Variants in CDH12 observed in about 807,000 individuals in gnomAD.
CDH12 encodes cadherin 12, also known as cadherin-12.
In CDH12, 41 loss-of-function variants were observed where a neutral mutation model predicts 74.1. The ratio of observed to expected loss-of-function variants is 0.55; its 90% CI spans 0.43 to 0.72. CDH12 has a LOEUF of 0.72. Ranked by LOEUF, CDH12 falls within the 30% of genes least tolerant of loss-of-function variation. The pLI is 0.00. For synonymous variants in CDH12, 399 were observed against 355.0 expected, an observed-to-expected ratio of 1.12 and a Z score of -1.39; for missense variants, 945 against 977.2, an observed-to-expected ratio of 0.97 and a Z score of 0.44.
chr5:22,394,931 A>G (rs1742396801), intron 3 of CDH12, among the ~76,000 whole-genome samples: 1 of 152,088 alleles, frequency 6.6e-6, no homozygotes. Context: ...GTATGCCGGG[A>G]TAGGTTGGCT....
chr5:22,816,792 CTG>C (rs1749417333), intron 1 of CDH12, among the ~76,000 whole-genome samples: 1 of 152,104 alleles, frequency 6.6e-6, no homozygotes, highest in Admixed American at 6.6e-5. Context: ...AGGTAAATTT[CTG>C]TGTGTCTATC....
At chr5:22,672,363 A>G (rs560022366) in intron 1 of CDH12, among the ~76,000 whole-genome samples, 7 of 151,844 alleles carry the variant, frequency 4.6e-5, no homozygotes, top group Admixed American at 3.3e-4. Context: ...TGGAAAGTTA[A>G]TTGCTGTTGT....
chr5:22,045,037 A>C (rs953104838), intron 5 of CDH12, among the ~76,000 whole-genome samples: 1 of 152,228 alleles, frequency 6.6e-6, no homozygotes, highest in African/African-American at 2.4e-5. Flanking sequence ...TTCACCTGAC[A>C]AAGGGTTAAT....
intron 1 of CDH12, among the ~76,000 whole-genome samples, chr5:22,635,865 G>A (rs908039139): frequency 6.6e-6 from 1 of 152,016 alleles, no homozygotes; most frequent in Non-Finnish European, 1.5e-5. Flanking sequence ...AGTCAGAGGA[G>A]ATTGTGCCCA....
intron 1 of CDH12, among the ~76,000 whole-genome samples, chr5:22,677,081 G>C (rs897405919): frequency 6.6e-5 from 10 of 152,148 alleles, no homozygotes; most frequent in Admixed American, 6.6e-5. Context: ...TGGCAGCTGA[G>C]TGCTGCTGGC....
chr5:22,133,976 A>T (rs1746320053), intron 4 of CDH12, among the ~76,000 whole-genome samples: 1 of 152,120 alleles, frequency 6.6e-6, no homozygotes, highest in Non-Finnish European at 1.5e-5. Flanking sequence ...TCAAGTAGCC[A>T]TATTAGCAAT....
intron 12 of CDH12, among the ~76,000 whole-genome samples, chr5:21,761,117 CATAA>C (rs1744693714): frequency 6.6e-6 from 1 of 152,142 alleles, no homozygotes; most frequent in East Asian, 1.9e-4. Flanking sequence ...GCTCTATTTT[CATAA>C]ATAAATAAAA....
Position 22,091,395 on chromosome 5 carries a change from T to C in CDH12, c.-186-12533A>G, listed in dbSNP as rs542236314. 1.5e-4 allele frequency among the ~76,000 whole-genome samples: 22 copies of C among 150,958 alleles called. No homozygotes were observed. The South Asian group carries it at 4.6e-3, about 32-fold the overall frequency. On this transcript the variant is annotated intron_variant, in intron 4 of 14. Coordinates refer to ENST00000382254, the MANE Select transcript of CDH12 (RefSeq NM_004061.5). ...AACTGTATTTCTATACACTGAAATG[T>C]CATTAAAATTGAATGCCATTAAAAA...
chr5:22,292,341 GTTTT>G (rs60010478), intron 3 of CDH12, among the ~76,000 whole-genome samples: 22 of 105,396 alleles, frequency 2.1e-4, no homozygotes, highest in Non-Finnish European at 3.6e-4. Flanking sequence ...TTTGGTTTTT[GTTTT>G]TTTTTTTTTT....
intron 3 of CDH12, among the ~76,000 whole-genome samples, chr5:22,216,952 T>C (rs2150366553): frequency 6.6e-6 from 1 of 151,998 alleles, no homozygotes; most frequent in South Asian, 2.1e-4. Flanking sequence ...TGAAAATGCA[T>C]CTATTTGCCT....
At chr5:22,732,648 A>G (rs1469513834) in intron 1 of CDH12, among the ~76,000 whole-genome samples, 1 of 151,840 alleles carries the variant, frequency 6.6e-6, no homozygotes, top group Non-Finnish European at 1.5e-5. Flanking sequence ...ATGAATACAG[A>G]TACACACAAG....
At chr5:22,009,483 T>C (rs149664951) in intron 5 of CDH12, among the ~76,000 whole-genome samples, 2,373 of 152,216 alleles carry the variant, frequency 0.016, 61 homozygotes, top group African/African-American at 0.054. Context: ...CTTGAACATA[T>C]AATTATAACT....
chr5:22,324,923 T>C (rs1053719220), intron 3 of CDH12, among the ~76,000 whole-genome samples: 11 of 152,180 alleles, frequency 7.2e-5, no homozygotes, highest in African/African-American at 1.9e-4. Flanking sequence ...GCTAACTTAA[T>C]AAAGCATGAT....
intron 3 of CDH12, among the ~76,000 whole-genome samples, chr5:22,392,544 C>G (rs923583849): frequency 6.6e-6 from 1 of 152,162 alleles, no homozygotes. Flanking sequence ...ATATTTGGCA[C>G]ATGGTAAGCA....
intron 3 of CDH12, among the ~76,000 whole-genome samples, chr5:22,340,113 G>A (rs1248611088): frequency 1.3e-5 from 2 of 152,088 alleles, no homozygotes; most frequent in Admixed American, 6.6e-5. Flanking sequence ...ACGAATTGGA[G>A]CTATTTGAAC....
intron 1 of CDH12, chr5:22,580,938 T>A (rs1329171425): frequency 1.2e-5 from 2 of 161,444 alleles, no homozygotes; most frequent in African/African-American, 4.8e-5. Flanking sequence ...TGGAAGAAAT[T>A]TCTAAGCAGC....
At chr5:22,354,752 A>G (rs749451953) in intron 3 of CDH12, among the ~76,000 whole-genome samples, 4 of 152,200 alleles carry the variant, frequency 2.6e-5, no homozygotes, top group Non-Finnish European at 2.9e-5. Context: ...AGAGGTGACC[A>G]CGGTTGCTTA....
chr5:22,421,227 T>C (rs1356621087), intron 2 of CDH12, among the ~76,000 whole-genome samples: 3 of 152,178 alleles, frequency 2.0e-5, no homozygotes, highest in Admixed American at 1.3e-4. Context: ...CTGGGATACA[T>C]GTGCAGAACC....
At chr5:22,134,034 GAGA>G (rs1445500757) in intron 4 of CDH12, among the ~76,000 whole-genome samples, 1 of 152,056 alleles carries the variant, frequency 6.6e-6, no homozygotes, top group African/African-American at 2.4e-5. Flanking sequence ...AAGCAAATGG[GAGA>G]AGAATTACAG....
Sources: allele counts gnomAD v4.1 joint callset (sites outside exome capture counted in the v4.1 genomes callset), GRCh38; gene constraint gnomAD v4.1.1; transcripts MANE v1.5; gene names NCBI Gene and HGNC (gene_info 2026-07-23, HGNC 2026-07-21).